IP6K2: variants seen among roughly 807,000 people sequenced by gnomAD.
The protein encoded by IP6K2 is inositol hexakisphosphate kinase 2.
IP6K2 carries 9 observed loss-of-function variants against 43.3 expected under a neutral mutation model. That is an observed-to-expected ratio of 0.21 (90% CI 0.13 to 0.36). The LOEUF is 0.36. Among genes scored for constraint, IP6K2 ranks in the 10% least tolerant of loss-of-function variants. IP6K2 has a pLI of 1.00. For missense variants in IP6K2, 332 were observed against 538.4 expected (o/e 0.62, Z 3.79); for synonymous variants, 209 against 202.4 (o/e 1.03, Z -0.28).
At chr3:48,715,350 C>T (rs1439684892) in intron 1 of IP6K2, 1 of 1,536,048 alleles carries the variant, frequency 6.5e-7, no homozygotes, top group Non-Finnish European at 8.7e-7. Flanking sequence ...TCAGGCTCAT[C>T]CCTGTTGCCT....
intron 1 of IP6K2, among the ~76,000 whole-genome samples, chr3:48,702,392 T>A (rs998862568): frequency 6.6e-6 from 1 of 150,470 alleles, no homozygotes; most frequent in Non-Finnish European, 1.5e-5. Flanking sequence ...CCCCCAGATA[T>A]CCCCCTTGGC....
intron 2 of IP6K2, chr3:48,694,289 C>G (rs562135569): frequency 1.3e-6 from 2 of 1,551,552 alleles, no homozygotes; most frequent in African/African-American, 1.4e-5. Context: ...CCAACTCCCC[C>G]ATCCCCACCG....
Position 48,695,399 on chromosome 3 carries a change from C to T in IP6K2, c.-108G>A, listed in dbSNP as rs2078219565. ...TGTCCCTCTCGTCTTGGCTCCTTGG[C>T]TTGTTCTGGCCAGGATGCTCTGCTG... On this transcript the variant is annotated 5_prime_UTR_variant, in exon 2 of 6. Transcript: ENST00000328631. This position sits in a 1 kb window ranked among gnomAD's most constrained non-coding sequence, Gnocchi z 4.6. The T allele has an allele frequency of 6.9e-7, 1 of 1,452,960 alleles. No homozygotes were observed. Among genetic ancestry groups the T allele is most frequent in the Non-Finnish European group, 9.1e-7 (1 of 1,101,758 alleles). The allele number at this position is 1,452,960 out of a possible 1,614,324, so 90.0% of individuals were successfully genotyped here.
Position 48,702,209 on chromosome 3 carries a change from C to A in IP6K2, c.-130-6788G>T, listed in dbSNP as rs546165188. Among the ~76,000 whole-genome samples the A allele has an allele frequency of 5.3e-4, 81 of 152,054 alleles. 1 individual carries two copies. Among genetic ancestry groups the A allele is most frequent in the African/African-American group, 1.9e-3 (79 of 41,454 alleles). ...CTGCACCACTGTACTCCAGCCTGGG[C>A]AAAAGAGCGAGACTCCATGTCAAAA... On this transcript the variant is annotated intron_variant, in intron 1 of 5. Transcript: ENST00000328631.
At chr3:48,714,697 CTT>C (rs2107113169) in intron 1 of IP6K2, among the ~76,000 whole-genome samples, 1 of 152,204 alleles carries the variant, frequency 6.6e-6, no homozygotes, top group East Asian at 1.9e-4. Flanking sequence ...GGCCCTGGCC[CTT>C]TCTTTCTTTA....
intron 1 of IP6K2, among the ~76,000 whole-genome samples, chr3:48,696,442 A>G (rs990199039): frequency 6.6e-6 from 1 of 152,126 alleles, no homozygotes; most frequent in Non-Finnish European, 1.5e-5. Flanking sequence ...CACTATTTTT[A>G]TCAGTTCTAT....
chr3:48,691,431 G>C lies in IP6K2; in HGVS notation c.480C>G (p.Tyr160Ter). ...TATTCCCCTTCTTCTCTACAGTGTA[G>C]TACAAGACTTCAGATTTCTTTAGCC... ...FEWLKKSEVL[Y>*]YTVEKKGNIS... is the part of the protein sequence containing the mutation. The change falls in exon 4 of 6, where the codon TAC (tyrosine) becomes TAG (stop). Residue 160 changes from tyrosine to a stop codon, truncating the protein, a stop_gained. Coordinates refer to ENST00000328631, the MANE Select transcript of IP6K2 (RefSeq NM_016291.4). LOFTEE classifies it high-confidence loss of function. The C allele has an allele frequency of 6.2e-7, 1 of 1,613,086 alleles. No individual in the cohort carries two copies. The highest frequency in any genetic ancestry group is 8.5e-7 in the Non-Finnish European group (1 of 1,179,132).
At chr3:48,698,669 C>T (rs1219850290) in intron 1 of IP6K2, among the ~76,000 whole-genome samples, 1 of 152,160 alleles carries the variant, frequency 6.6e-6, no homozygotes, top group Non-Finnish European at 1.5e-5. Flanking sequence ...GATGGGGTTT[C>T]GCCATGTTGG....
At position 48,688,942 on chromosome 3, in the gene IP6K2, TG is replaced by T. The variant is rs942477278; in HGVS notation, c.781-170del. 6.6e-6 allele frequency among the ~76,000 whole-genome samples: 1 copy of T among 152,214 alleles called. No homozygotes were observed. The highest frequency in any genetic ancestry group is 1.5e-5 in the Non-Finnish European group (1 of 68,030). ...CTATGCTCTCTGATCAGCCCCCACC[TG>T]GGATGCAGCCATCCAACCTGGGTTT... On this transcript the variant is annotated intron_variant, in intron 5 of 5. Coordinates refer to ENST00000328631, the MANE Select transcript of IP6K2 (RefSeq NM_016291.4). The surrounding 1 kb of genome is among the most constrained non-coding windows in gnomAD (Gnocchi z 5.1).
In IP6K2 at chr3:48,695,632, C is replaced by G; in HGVS notation, c.-130-211G>C. 3.8e-6 allele frequency: 2 copies of G among 520,718 alleles called. No homozygotes were observed. The highest frequency in any genetic ancestry group is 1.9e-4 in the South Asian group (2 of 10,386). The allele number at this position is 520,718 out of a possible 1,614,324, so 32.3% of individuals were successfully genotyped here. A position where few individuals can be genotyped will look rare whatever the true frequency, so the allele number is the denominator to read the frequency against. On this transcript the variant is annotated intron_variant, in intron 1 of 5. Transcript: ENST00000328631. The surrounding 1 kb of genome is among the most constrained non-coding windows in gnomAD (Gnocchi z 4.6). ...TGGGGCGGGGTTAGATGCAGACAGG[C>G]AGGGAATGGGTTCAGGGGCCCTAAA...
At chr3:48,715,887 GA>G (rs905376733) in intron 1 of IP6K2, among the ~76,000 whole-genome samples, 3 of 145,074 alleles carry the variant, frequency 2.1e-5, no homozygotes, top group Non-Finnish European at 3.0e-5. Context: ...ACAGAAAATA[GA>G]AAAAAAATTT....
chr3:48,694,252 C>T (rs984445927), intron 2 of IP6K2: 1 of 1,551,520 alleles, frequency 6.4e-7, no homozygotes, highest in Non-Finnish European at 8.7e-7. Context: ...TGGAAAAAAA[C>T]AACAGAGAAG....
Position 48,693,083 on chromosome 3 carries a change from T to A in IP6K2, c.299A>T (p.Asp100Val), listed in dbSNP as rs763325910. ...ACTTTTTGGTTCACAGTCTGAATTA[T>A]CTACAATGTCCACAATTCCATGGTC... The part of the protein sequence containing the change: ...KGDHGIVDIV[D>V]NSDCEPKSKL... The change falls in exon 3 of 6, where the codon GAT becomes GTT. Residue 100 changes from aspartate (D) to valine (V), a missense_variant. Transcript: ENST00000328631. 74 of 1,614,108 alleles carry A rather than the reference T, an allele frequency of 4.6e-5. No homozygotes were observed. The highest frequency in any genetic ancestry group is 6.1e-5 in the Non-Finnish European group (72 of 1,180,008).
At chr3:48,699,135 C>A (rs557067212) in intron 1 of IP6K2, among the ~76,000 whole-genome samples, 1 of 152,104 alleles carries the variant, frequency 6.6e-6, no homozygotes, top group African/African-American at 2.4e-5. Context: ...TGGGGCCGGG[C>A]GTGGTGGCTC....
chr3:48,688,034 T>C lies in IP6K2; in HGVS notation c.*239A>G. On this transcript the variant is annotated 3_prime_UTR_variant, in exon 6 of 6. Transcript: ENST00000328631. This position sits in a 1 kb window ranked among gnomAD's most constrained non-coding sequence, Gnocchi z 5.1. ...AAACAAAAAGATTTGTATTAGAACA[T>C]ATACACTCAGGGAAGAAAGAGGTAT... 1 of 564,414 alleles carries C rather than the reference T, an allele frequency of 1.8e-6. No individual in the cohort carries two copies. Among genetic ancestry groups the C allele is most frequent in the South Asian group, 2.1e-5 (1 of 46,734 alleles). The allele number at this position is 564,414 out of a possible 1,614,324, so 35.0% of individuals were successfully genotyped here.
chr3:48,706,431 CTGAG>C (rs1296355223), intron 1 of IP6K2, among the ~76,000 whole-genome samples: 5 of 151,968 alleles, frequency 3.3e-5, no homozygotes, highest in Non-Finnish European at 7.4e-5. Context: ...GCCTGCATGA[CTGAG>C]TGAGATCCTA....
chr3:48,710,807 C>T (rs2080413585), intron 1 of IP6K2, among the ~76,000 whole-genome samples: 2 of 152,170 alleles, frequency 1.3e-5, no homozygotes, highest in Admixed American at 1.3e-4. Context: ...GACAGGGTTT[C>T]ACCGTGTTAG....
intron 1 of IP6K2, among the ~76,000 whole-genome samples, chr3:48,696,109 C>A (rs2078316901): frequency 6.6e-6 from 1 of 151,862 alleles, no homozygotes; most frequent in African/African-American, 2.4e-5. Context: ...TGGTCTTGAT[C>A]TCTTGACCTC....
chr3:48,713,749 C>T (rs1254562542), intron 1 of IP6K2, among the ~76,000 whole-genome samples: 1 of 151,284 alleles, frequency 6.6e-6, no homozygotes, highest in Non-Finnish European at 1.5e-5. Context: ...CGAGATCACA[C>T]CACTGCACTC....
Sources: allele counts gnomAD v4.1 joint callset (sites outside exome capture counted in the v4.1 genomes callset), GRCh38; gene constraint gnomAD v4.1.1; non-coding constraint Gnocchi (gnomAD v3.1); transcripts MANE v1.5; gene names NCBI Gene and HGNC (gene_info 2026-07-23, HGNC 2026-07-21).